Variants in CACNA2D3 observed in about 807,000 individuals in gnomAD.
CACNA2D3 encodes the protein calcium voltage-gated channel auxiliary subunit alpha2delta 3, also known as voltage-dependent calcium channel subunit alpha-2/delta-3.
A neutral mutation model predicts 160.6 loss-of-function variants in CACNA2D3; 60 were observed. The observed-to-expected ratio is 0.37, with a 90% confidence interval of 0.30 to 0.46. The LOEUF (loss-of-function observed/expected upper bound fraction) is 0.46, where lower values mean the gene tolerates loss of function less well. Ranked by LOEUF, CACNA2D3 falls within the 20% of genes least tolerant of loss-of-function variation. The pLI, the probability that CACNA2D3 is intolerant of heterozygous loss-of-function variation, is 1.00. For missense variants in CACNA2D3, 1,205 were observed against 1,365.0 expected (o/e 0.88, Z 1.85); for synonymous variants, 558 against 492.9 (o/e 1.13, Z -1.75).
At chr3:54,357,802 A>G (rs1159320013) in intron 3 of CACNA2D3, among the ~76,000 whole-genome samples, 1 of 152,242 alleles carries the variant, frequency 6.6e-6, no homozygotes, top group African/African-American at 2.4e-5. Context: ...TGCTAAGTGA[A>G]AGAAGCCAAT....
In CACNA2D3 at chr3:54,171,379, G is replaced by T. The variant is rs186135534; in HGVS notation, c.204+47785G>T. Reference sequence around the variant, plus strand: ...TTCTTGGGTGGCAGGGCTGACCCCTGGCAGTGGCACGATTCACTCTGGAAT... The same window carrying T: ...TTCTTGGGTGGCAGGGCTGACCCCTTGCAGTGGCACGATTCACTCTGGAAT... On this transcript the variant is annotated intron_variant, in intron 2 of 37. Transcript: ENST00000474759. Among the ~76,000 whole-genome samples the T allele has an allele frequency of 1.4e-3, 210 of 152,000 alleles. 1 individual carries two copies. Among genetic ancestry groups the T allele is most frequent in the African/African-American group, 4.5e-3 (186 of 41,456 alleles).
intron 27 of CACNA2D3, among the ~76,000 whole-genome samples, chr3:54,906,373 G>C (rs534230208): frequency 6.6e-6 from 1 of 152,148 alleles, no homozygotes; most frequent in Non-Finnish European, 1.5e-5. Flanking sequence ...GTGCACATGG[G>C]TATGTGGTGG....
At chr3:54,319,866 GT>G (rs1015613694) in intron 2 of CACNA2D3, among the ~76,000 whole-genome samples, 2 of 152,120 alleles carry the variant, frequency 1.3e-5, no homozygotes, top group Non-Finnish European at 2.9e-5. Context: ...AGGAGTAGCT[GT>G]TTTTCATTTT....
intron 2 of CACNA2D3, among the ~76,000 whole-genome samples, chr3:54,283,544 A>G (rs1333399342): frequency 6.6e-6 from 1 of 152,190 alleles, no homozygotes; most frequent in Admixed American, 6.5e-5. Context: ...AGAGGAAGAA[A>G]TTGCTTTAGA....
Position 54,647,645 on chromosome 3 carries a change from C to G in CACNA2D3, c.1167+5404C>G, listed in dbSNP as rs1250193551. Among the ~76,000 whole-genome samples the G allele has an allele frequency of 3.3e-5, 5 of 152,256 alleles. No homozygotes were observed. The East Asian group carries it at 9.7e-4, about 29-fold the overall frequency. On this transcript the variant is annotated intron_variant, in intron 11 of 37. Coordinates refer to ENST00000474759, the MANE Select transcript of CACNA2D3 (RefSeq NM_018398.3). ...AAGCAGAAGGAAGTTGGGGAACAGA[C>G]CAGGGGGGGCATTTGTGAGTGTCAT...
At chr3:54,125,413 G>T (rs1164888082) in intron 2 of CACNA2D3, among the ~76,000 whole-genome samples, 4 of 152,118 alleles carry the variant, frequency 2.6e-5, no homozygotes, top group Non-Finnish European at 5.9e-5. Flanking sequence ...TGTCATGTTT[G>T]CAGCTTGACA....
chr3:54,924,652 G>C, intron 27 of CACNA2D3: 1 of 1,614,082 alleles, frequency 6.2e-7, no homozygotes. Flanking sequence ...CAGAGTTTAA[G>C]ACCGAGCAAG....
intron 9 of CACNA2D3, among the ~76,000 whole-genome samples, chr3:54,625,342 A>C (rs1699074425): frequency 6.6e-6 from 1 of 152,256 alleles, no homozygotes; most frequent in Non-Finnish European, 1.5e-5. Context: ...AGCAGAAAGA[A>C]GAAGGGCATT....
intron 3 of CACNA2D3, among the ~76,000 whole-genome samples, chr3:54,329,673 G>T (rs1381790607): frequency 6.6e-6 from 1 of 152,118 alleles, no homozygotes; most frequent in Non-Finnish European, 1.5e-5. Context: ...AAAGGTTTGT[G>T]GGTGGGAGGA....
At chr3:54,451,702 A>G (rs192747972) in intron 4 of CACNA2D3, among the ~76,000 whole-genome samples, 1 of 152,288 alleles carries the variant, frequency 6.6e-6, no homozygotes, top group East Asian at 1.9e-4. Context: ...TTTGATTAAC[A>G]ATTCCATCCT....
At chr3:54,982,712 G>GTT (rs77264838) in intron 29 of CACNA2D3, among the ~76,000 whole-genome samples, 7 of 142,920 alleles carry the variant, frequency 4.9e-5, no homozygotes, top group African/African-American at 1.5e-4. Context: ...CCATTTTTAT[G>GTT]TTTTTTTTTT....
At chr3:54,404,246 A>G (rs578019037) in intron 4 of CACNA2D3, among the ~76,000 whole-genome samples, 190 of 152,178 alleles carry the variant, frequency 1.2e-3, no homozygotes, top group Non-Finnish European at 2.2e-3. Context: ...AAAATCATCA[A>G]TAATATTTTA....
chr3:54,558,889 C>T (rs2106699638), intron 5 of CACNA2D3, among the ~76,000 whole-genome samples: 1 of 152,246 alleles, frequency 6.6e-6, no homozygotes, highest in South Asian at 2.1e-4. Flanking sequence ...GAAAGTACCT[C>T]ATATCCTGGT....
At chr3:54,585,785 C>T (rs189714778) in intron 9 of CACNA2D3, among the ~76,000 whole-genome samples, 8 of 152,262 alleles carry the variant, frequency 5.3e-5, no homozygotes, top group African/African-American at 1.9e-4. Flanking sequence ...CTGGGTCCCT[C>T]CAATGACACA....
chr3:54,910,373 T>G (rs916273944), intron 27 of CACNA2D3, among the ~76,000 whole-genome samples: 1 of 152,218 alleles, frequency 6.6e-6, no homozygotes. Context: ...TCCTCTGCCT[T>G]GCTGTTTTCC....
rs181592070 is a variant in CACNA2D3, at chr3:54,953,922, A to G, written c.2450-14528A>G. 2.0e-3 allele frequency among the ~76,000 whole-genome samples: 303 copies of G among 152,224 alleles called. 1 individual carries two copies. Among genetic ancestry groups the G allele is most frequent in the African/African-American group, 7.0e-3 (289 of 41,534 alleles). On this transcript the variant is annotated intron_variant, in intron 27 of 37. Transcript: ENST00000474759. ...GTCACCCCGTTTTGCTAAGTGCTCC[A>G]TTGTTTATGTTCTTGTGTCATGAAT...
In CACNA2D3 at chr3:54,869,956, G is replaced by A. The variant is rs138743339; in HGVS notation, c.1627-1583G>A. ...TGGATCTGATGTCATAAAACTGACCGTGAATGTCTGTTAATTGAAAACCTA... is the reference window on the plus strand; with the variant it reads ...TGGATCTGATGTCATAAAACTGACCATGAATGTCTGTTAATTGAAAACCTA... On this transcript the variant is annotated intron_variant, in intron 17 of 37. Coordinates refer to ENST00000474759, the MANE Select transcript of CACNA2D3 (RefSeq NM_018398.3). 1.4e-3 allele frequency among the ~76,000 whole-genome samples: 212 copies of A among 152,266 alleles called. 1 individual carries two copies. The highest frequency in any genetic ancestry group is 6.4e-3 in the East Asian group (33 of 5,186).
At chr3:54,527,760 A>G in intron 5 of CACNA2D3, among the ~76,000 whole-genome samples, 1 of 152,084 alleles carries the variant, frequency 6.6e-6, no homozygotes, top group East Asian at 1.9e-4. Flanking sequence ...GGGGAGAGAG[A>G]ACCCTGTGTT....
chr3:54,834,203 G>A (rs1703936348), intron 14 of CACNA2D3, among the ~76,000 whole-genome samples: 2 of 152,082 alleles, frequency 1.3e-5, no homozygotes, highest in South Asian at 2.1e-4. Context: ...CTGGTTGCAG[G>A]AAAAAGGCTT....
Sources: gnomAD v4.1 joint callset for allele counts (sites outside exome capture counted in the v4.1 genomes callset) on GRCh38, gnomAD v4.1.1 for gene constraint, MANE v1.5 for transcripts, NCBI Gene and HGNC (gene_info 2026-07-23, HGNC 2026-07-21) for gene names.